NVL: variants seen among roughly 807,000 people sequenced by gnomAD.
NVL encodes nuclear VCP like.
A neutral mutation model predicts 110.2 loss-of-function variants in NVL; 84 were observed. The ratio of observed to expected loss-of-function variants is 0.76; its 90% confidence interval spans 0.64 to 0.91. NVL has a LOEUF of 0.91. Among genes scored for constraint, NVL ranks in the 40% least tolerant of loss-of-function variants. The pLI, the probability that NVL is intolerant of heterozygous loss-of-function variation, is 0.00. For synonymous variants in NVL, 354 were observed against 361.1 expected, an observed-to-expected ratio of 0.98 and a Z score of 0.22; for missense variants, 882 against 1,035.9, an observed-to-expected ratio of 0.85 and a Z score of 2.04.
chr1:224,285,403 C>A (rs1290631850), intron 15 of NVL, among the ~76,000 whole-genome samples: 1 of 152,026 alleles, frequency 6.6e-6, no homozygotes, highest in Non-Finnish European at 1.5e-5. Flanking sequence ...CCACTGTACT[C>A]CAGCCTGGGC....
chr1:224,322,206 G>C (rs1334081582), intron 2 of NVL, among the ~76,000 whole-genome samples: 1 of 151,372 alleles, frequency 6.6e-6, no homozygotes, highest in Non-Finnish European at 1.5e-5. Flanking sequence ...TCAACTTCCT[G>C]AGTAGCTAAG....
intron 6 of NVL, among the ~76,000 whole-genome samples, chr1:224,306,763 G>A (rs1032019768): frequency 6.6e-6 from 1 of 152,094 alleles, no homozygotes; most frequent in African/African-American, 2.4e-5. Context: ...TGCCCAGGGG[G>A]TGGAGGTTAT....
chr1:224,236,432 A>G (rs979674460), intron 20 of NVL, 74 bp downstream of exon 20: 14 of 1,114,530 alleles, frequency 1.3e-5, no homozygotes, highest in Non-Finnish European at 1.9e-5. Flanking sequence ...TGAGGTGAGC[A>G]TCATCACCCC....
chr1:224,277,520 T>C (rs1665890995), intron 16 of NVL, among the ~76,000 whole-genome samples: 2 of 152,118 alleles, frequency 1.3e-5, no homozygotes, highest in Admixed American at 1.3e-4. Context: ...AAAAGGAAAT[T>C]TAATTTAGGG....
At chr1:224,244,005 A>T (rs938336863) in intron 19 of NVL, among the ~76,000 whole-genome samples, 1 of 151,936 alleles carries the variant, frequency 6.6e-6, no homozygotes, top group Non-Finnish European at 1.5e-5. Flanking sequence ...TATTTGGCAG[A>T]TATCAAATAA....
At chr1:224,250,145 C>G (rs1198321796) in intron 19 of NVL, 67 bp downstream of exon 19, 1 of 1,527,894 alleles carries the variant, frequency 6.5e-7, no homozygotes, top group Non-Finnish European at 8.9e-7. Context: ...AAATTACTAC[C>G]TCTTATAACT....
Position 224,287,889 on chromosome 1 carries a change from T to C in NVL, c.1680A>G (p.Leu560=), listed in dbSNP as rs1221346299. The C allele has an allele frequency of 1.4e-5, 23 of 1,613,998 alleles. No homozygotes were observed. The highest frequency in any genetic ancestry group is 1.7e-5 in the Non-Finnish European group (20 of 1,179,982). ...CIELNDFIVA[L]SSVQPSAKRE... ...TTTTGGCAGAGGGTTGGACTGAGGA[T>C]AGAGCAACAATGAAATCATTCAGTT... The change falls in exon 14 of 23, where the codon CTA becomes CTG. Residue 560 remains leucine (L), a synonymous_variant. Coordinates refer to ENST00000281701, the MANE Select transcript of NVL (RefSeq NM_002533.4).
chr1:224,260,407 C>T (rs573586675), intron 18 of NVL, among the ~76,000 whole-genome samples: 27 of 152,100 alleles, frequency 1.8e-4, no homozygotes, highest in Middle Eastern at 3.4e-3. Context: ...TACAGGCACG[C>T]GCCACCATGG....
chr1:224,257,412 T>C (rs1299406419), intron 18 of NVL, among the ~76,000 whole-genome samples: 2 of 152,224 alleles, frequency 1.3e-5, no homozygotes, highest in Non-Finnish European at 2.9e-5. Context: ...CATTATTTTG[T>C]TATAAATGGA....
At chr1:224,249,638 G>A (rs929728120) in intron 19 of NVL, among the ~76,000 whole-genome samples, 3 of 152,094 alleles carry the variant, frequency 2.0e-5, no homozygotes, top group African/African-American at 7.2e-5. Flanking sequence ...CCAGCTACTC[G>A]GGAGGCTGAG....
At position 224,330,079 on chromosome 1, in the gene NVL, C is replaced by G. The variant is rs756301656; in HGVS notation, c.49G>C (p.Val17Leu). ...GFVDNKLKQR[V>L]IQYLTSNKCG... ...CGGTGCAGAATACACACCTGGATGA[C>G]TCGCTGCTTGAGTTTATTATCCACG... Residue 17 changes from valine to leucine, a missense_variant, in exon 1 of 23, where the codon GTC (valine) becomes CTC (leucine). Transcript: ENST00000281701. The G allele has an allele frequency of 1.2e-6, 2 of 1,614,004 alleles. No homozygotes were observed. The highest frequency in any genetic ancestry group is 2.7e-5 in the African/African-American group (2 of 74,926).
Position 224,294,247 on chromosome 1 carries a change from T to C in NVL, c.1325+20A>G. 6.2e-7 allele frequency: 1 copy of C among 1,613,778 alleles called. No individual in the cohort carries two copies. Among genetic ancestry groups the C allele is most frequent in the Non-Finnish European group, 8.5e-7 (1 of 1,179,926 alleles). On this transcript the variant is annotated intron_variant, in intron 12 of 22. Transcript: ENST00000281701. ...TAAGATGACTTAGTGGCATACAAAC[T>C]TCATTCTATAAGAATATACCTTTCC...
In NVL at chr1:224,231,283, A is replaced by G. The variant is rs1472046830; in HGVS notation, c.2469T>C (p.Val823=). Residue 823 remains valine (V), a synonymous_variant, in exon 22 of 23, where the codon GTT becomes GTC. Coordinates refer to ENST00000281701, the MANE Select transcript of NVL (RefSeq NM_002533.4). ...AAGCTTCTTCAAAATGCTTATGACTAACCTTGAGTTCACCTATGGAGTAAA... is the reference window on the plus strand; with the variant it reads ...AAGCTTCTTCAAAATGCTTATGACTGACCTTGAGTTCACCTATGGAGTAAA... ...KSGNEKGELK[V]SHKHFEEAFK... 1 of 1,612,266 alleles carries G rather than the reference A, an allele frequency of 6.2e-7. No individual in the cohort carries two copies. The highest frequency in any genetic ancestry group is 2.2e-5 in the East Asian group (1 of 44,854).
chr1:224,263,767 G>GA (rs1361529939), intron 18 of NVL, among the ~76,000 whole-genome samples: 1 of 152,142 alleles, frequency 6.6e-6, no homozygotes, highest in Non-Finnish European at 1.5e-5. Context: ...TTGGAATACA[G>GA]AAAGTTTATA....
At chr1:224,325,429 G>A (rs1233209645) in intron 2 of NVL, among the ~76,000 whole-genome samples, 2 of 146,588 alleles carry the variant, frequency 1.4e-5, no homozygotes, top group Non-Finnish European at 3.0e-5. Flanking sequence ...AATAAAAACT[G>A]TATTTAAAAA....
chr1:224,249,339 G>T (rs1662207834), intron 19 of NVL, among the ~76,000 whole-genome samples: 1 of 152,150 alleles, frequency 6.6e-6, no homozygotes, highest in East Asian at 1.9e-4. Flanking sequence ...TTCCCAGGCT[G>T]ATCTTGAACT....
At position 224,267,988 on chromosome 1, in the gene NVL, TGTAA is replaced by T. The variant is rs759265195; in HGVS notation, c.2182+42_2182+45del. The T allele has an allele frequency of 4.2e-5, 55 of 1,297,632 alleles. No homozygotes were observed. In the South Asian group the frequency reaches 4.3e-4, roughly 10 times the overall value. 80.4% of individuals were successfully genotyped at this position (1,297,632 alleles called of 1,614,324 possible). On this transcript the variant is annotated intron_variant, in intron 18 of 22. Transcript: ENST00000281701. Reference sequence around the variant, plus strand: ...ATCTGAATCTCTTCTACGGAAATGCTGTAAGTTTTTAGATTCATCTGTGTTACAA... The same window carrying T: ...ATCTGAATCTCTTCTACGGAAATGCTGTTTTTAGATTCATCTGTGTTACAA...
In NVL at chr1:224,289,865, TTCAG is replaced by T. The variant is rs1667211753; in HGVS notation, c.1326-136_1326-133del. On this transcript the variant is annotated intron_variant, in intron 12 of 22. Coordinates refer to ENST00000281701, the MANE Select transcript of NVL (RefSeq NM_002533.4). ...ATGGATACTATATAAGATCAAATAGTTCAGTCACTCAACAAACGCTGTCATTATT... is the reference window on the plus strand; with the variant it reads ...ATGGATACTATATAAGATCAAATAGTTCACTCAACAAACGCTGTCATTATT... 4 of 765,798 alleles carry T rather than the reference TTCAG, an allele frequency of 5.2e-6. No homozygotes were observed. In the Admixed American group the frequency reaches 9.1e-5, roughly 18 times the overall value. 47.4% of individuals were successfully genotyped at this position (765,798 alleles called of 1,614,324 possible). A position where few individuals can be genotyped will look rare whatever the true frequency, so the allele number is the denominator to read the frequency against.
intron 11 of NVL, among the ~76,000 whole-genome samples, chr1:224,295,374 T>A (rs897037855): frequency 6.6e-6 from 1 of 151,910 alleles, no homozygotes; most frequent in African/African-American, 2.4e-5. Flanking sequence ...TTTATTTTTT[T>A]ATTTTTTAGT....
Sources: gnomAD v4.1 joint callset for allele counts (sites outside exome capture counted in the v4.1 genomes callset) on GRCh38, gnomAD v4.1.1 for gene constraint, MANE v1.5 for transcripts, NCBI Gene and HGNC (gene_info 2026-07-23, HGNC 2026-07-21) for gene names.